PTPN1: variants seen among roughly 807,000 people sequenced by gnomAD.
The protein encoded by PTPN1 is tyrosine-protein phosphatase non-receptor type 1.
A neutral mutation model predicts 59.9 loss-of-function variants in PTPN1; 12 were observed. That is an observed-to-expected ratio of 0.20 (90% CI 0.13 to 0.32). The LOEUF (loss-of-function observed/expected upper bound fraction) is 0.32. Among genes scored for constraint, PTPN1 ranks in the 10% least tolerant of loss-of-function variants. The pLI is 1.00. For missense variants in PTPN1, 356 were observed against 549.2 expected (o/e 0.65, Z 3.52); for synonymous variants, 178 against 203.6 (o/e 0.87, Z 1.07).
At chr20:50,511,630 G>A (rs2082507927) in intron 1 of PTPN1, among the ~76,000 whole-genome samples, 1 of 152,104 alleles carries the variant, frequency 6.6e-6, no homozygotes. Flanking sequence ...TAGGAAAGGA[G>A]GGTTTCTCAT....
At chr20:50,576,553 T>G (rs1271413638) in intron 5 of PTPN1, among the ~76,000 whole-genome samples, 1 of 152,160 alleles carries the variant, frequency 6.6e-6, no homozygotes, top group African/African-American at 2.4e-5. Context: ...TTTGGCATGC[T>G]TGCTTCTTAT....
At chr20:50,524,375 A>C (rs907262802) in intron 1 of PTPN1, among the ~76,000 whole-genome samples, 3 of 152,132 alleles carry the variant, frequency 2.0e-5, no homozygotes, top group Admixed American at 2.0e-4. Flanking sequence ...TGTACAAAAA[A>C]AATTATATTT....
rs538890576 is a variant in PTPN1 at position 50,554,470 on chromosome 20, C to G, written c.64-6893C>G. Among the ~76,000 whole-genome samples the G allele has an allele frequency of 2.0e-5, 3 of 150,914 alleles. No homozygotes were observed. The South Asian group carries it at 6.3e-4, about 32-fold the overall frequency. Reference sequence around the variant, plus strand: ...ATAAAGGCAGAGAATTTGTTGCCAGCAGACTAGCATAAAAAAAAGGAAGTC... The same window carrying G: ...ATAAAGGCAGAGAATTTGTTGCCAGGAGACTAGCATAAAAAAAAGGAAGTC... On this transcript the variant is annotated intron_variant, in intron 1 of 9. Coordinates refer to ENST00000371621, the MANE Select transcript of PTPN1 (RefSeq NM_002827.4).
intron 8 of PTPN1, among the ~76,000 whole-genome samples, chr20:50,580,378 C>T (rs1037203791): frequency 5.3e-5 from 8 of 152,150 alleles, no homozygotes; most frequent in African/African-American, 1.9e-4. Context: ...GGTTAACAAC[C>T]ATTATTGAGT....
At chr20:50,574,416 C>A in intron 4 of PTPN1, 101 bp from the exon 5 acceptor site, 1 of 1,221,410 alleles carries the variant, frequency 8.2e-7, no homozygotes, top group Non-Finnish European at 1.1e-6. Flanking sequence ...AACCCCCAGG[C>A]CTTTGAGTTA....
intron 1 of PTPN1, among the ~76,000 whole-genome samples, chr20:50,522,809 A>G (rs1318623550): frequency 1.3e-5 from 2 of 152,156 alleles, no homozygotes; most frequent in Admixed American, 1.3e-4. Flanking sequence ...GCTGGGGTGC[A>G]ATGGCACGAT....
chr20:50,554,897 A>T (rs180904888), intron 1 of PTPN1, among the ~76,000 whole-genome samples: 1 of 152,294 alleles, frequency 6.6e-6, no homozygotes, highest in Non-Finnish European at 1.5e-5. Flanking sequence ...AGGAACAAAG[A>T]TCAAATGAGT....
At chr20:50,550,081 A>G (rs1234831215) in intron 1 of PTPN1, among the ~76,000 whole-genome samples, 1 of 150,262 alleles carries the variant, frequency 6.7e-6, no homozygotes, top group Non-Finnish European at 1.5e-5. Context: ...CCCCTTCTAT[A>G]TATATCTCCC....
intron 1 of PTPN1, among the ~76,000 whole-genome samples, chr20:50,535,506 G>T (rs1175000660): frequency 6.6e-6 from 1 of 151,984 alleles, no homozygotes; most frequent in Admixed American, 6.6e-5. Flanking sequence ...TCTTTTCTCT[G>T]TTGCCTCCGT....
intron 1 of PTPN1, among the ~76,000 whole-genome samples, chr20:50,533,351 C>G (rs1432649407): frequency 6.6e-6 from 1 of 152,078 alleles, no homozygotes; most frequent in African/African-American, 2.4e-5. Flanking sequence ...TCAGATAAGA[C>G]CTTTTCATGG....
chr20:50,549,227 T>C (rs1193921149), intron 1 of PTPN1, among the ~76,000 whole-genome samples: 1 of 152,218 alleles, frequency 6.6e-6, no homozygotes, highest in Non-Finnish European at 1.5e-5. Flanking sequence ...TGTGCCTTTA[T>C]GGTTTTCTCT....
At chr20:50,527,142 C>T (rs1264482177) in intron 1 of PTPN1, among the ~76,000 whole-genome samples, 1 of 152,168 alleles carries the variant, frequency 6.6e-6, no homozygotes, top group East Asian at 1.9e-4. Flanking sequence ...CCCAGGCCCT[C>T]CCTATTATCA....
At chr20:50,577,239 C>T (rs2082841170) in intron 5 of PTPN1, among the ~76,000 whole-genome samples, 1 of 152,198 alleles carries the variant, frequency 6.6e-6, no homozygotes, top group Non-Finnish European at 1.5e-5. Context: ...GAGGTGGTGT[C>T]TTTGCCCCCG....
At chr20:50,522,734 C>T (rs1173544253) in intron 1 of PTPN1, among the ~76,000 whole-genome samples, 1 of 152,020 alleles carries the variant, frequency 6.6e-6, no homozygotes, top group Non-Finnish European at 1.5e-5. Context: ...TACCTTTCTC[C>T]AGAGGGAAAG....
chr20:50,527,732 G>C (rs184940238), intron 1 of PTPN1, among the ~76,000 whole-genome samples: 2 of 152,324 alleles, frequency 1.3e-5, no homozygotes, highest in African/African-American at 4.8e-5. Context: ...TTTTAATGCA[G>C]TTCAGTGTGG....
At chr20:50,532,266 T>G (rs1052176887) in intron 1 of PTPN1, among the ~76,000 whole-genome samples, 3 of 152,236 alleles carry the variant, frequency 2.0e-5, no homozygotes, top group Non-Finnish European at 4.4e-5. Flanking sequence ...AGGCTTTGGG[T>G]AAAAGCCATG....
At chr20:50,533,646 C>T (rs2082610898) in intron 1 of PTPN1, among the ~76,000 whole-genome samples, 1 of 152,026 alleles carries the variant, frequency 6.6e-6, no homozygotes, top group Non-Finnish European at 1.5e-5. Context: ...TTGTCCCTGA[C>T]TTGGTGGCTG....
Position 50,568,009 on chromosome 20 carries a change from A to G in PTPN1, c.256-371A>G, listed in dbSNP as rs11698821. Among the ~76,000 whole-genome samples, 15,663 of 152,236 alleles carry G rather than the reference A, an allele frequency of 0.1. 874 individuals are homozygous for G. The highest frequency in any genetic ancestry group is 0.22 in the East Asian group (1,134 of 5,178). Reference sequence around the variant, plus strand: ...ACCAAGAGAAGTGTTGTGGTTGGCCACGCCCCCACACTGCCTCTCATCTGC... The same window carrying G: ...ACCAAGAGAAGTGTTGTGGTTGGCCGCGCCCCCACACTGCCTCTCATCTGC... On this transcript the variant is annotated intron_variant, in intron 3 of 9. Coordinates refer to ENST00000371621, the MANE Select transcript of PTPN1 (RefSeq NM_002827.4). This position sits in a 1 kb window ranked among gnomAD's most constrained non-coding sequence, Gnocchi z 5.6.
chr20:50,524,267 C>T (rs985646213), intron 1 of PTPN1, among the ~76,000 whole-genome samples: 1 of 152,058 alleles, frequency 6.6e-6, no homozygotes, highest in African/African-American at 2.4e-5. Flanking sequence ...CCTAGAACAC[C>T]AACAACAGTG....
Sources: allele counts gnomAD v4.1 joint callset (sites outside exome capture counted in the v4.1 genomes callset), GRCh38; gene constraint gnomAD v4.1.1; non-coding constraint Gnocchi (gnomAD v3.1); transcripts MANE v1.5; gene names NCBI Gene and HGNC (gene_info 2026-07-23, HGNC 2026-07-21).